The following MED13L variants were observed in gnomAD, a reference collection of about 807,000 sequenced individuals.
MED13L encodes mediator complex subunit 13L.
In MED13L, 7 loss-of-function variants were observed where a neutral mutation model predicts 220.9. That is an observed-to-expected ratio of 0.03 (90% CI 0.02 to 0.06). The LOEUF (loss-of-function observed/expected upper bound fraction) is 0.06, where lower values mean the gene tolerates loss of function less well. MED13L is among the 10% of genes least tolerant of loss of function. MED13L has a pLI of 1.00. For missense variants in MED13L, 1,965 were observed against 2,760.5 expected, an observed-to-expected ratio of 0.71 and a Z score of 6.46; for synonymous variants, 1,011 against 1,015.2, an observed-to-expected ratio of 1.00 and a Z score of 0.08.
At chr12:116,188,581 T>G (rs1367665619) in intron 2 of MED13L, among the ~76,000 whole-genome samples, 1 of 152,150 alleles carries the variant, frequency 6.6e-6, no homozygotes, top group Non-Finnish European at 1.5e-5. Context: ...AAAGATTCAG[T>G]GTACCCTTAA....
intron 2 of MED13L, among the ~76,000 whole-genome samples, chr12:116,176,395 CCATCATCAT>C (rs140238306): frequency 9.2e-5 from 14 of 151,640 alleles, no homozygotes; most frequent in African/African-American, 3.2e-4. Flanking sequence ...ATATAAGCTC[CCATCATCAT>C]CATCATCATC....
chr12:116,230,407 A>AT, intron 2 of MED13L: 2 of 876,940 alleles, frequency 2.3e-6, no homozygotes, highest in Non-Finnish European at 2.7e-6. Context: ...CTCAACAACA[A>AT]TAAAAAAAAG....
At chr12:115,963,562 T>C (rs1875920061) in intron 29 of MED13L, 43 bp from the exon 30 acceptor site, 2 of 1,439,448 alleles carry the variant, frequency 1.4e-6, no homozygotes, top group African/African-American at 1.4e-5. Context: ...GTCTAGACAA[T>C]CACAGTGCAG....
chr12:116,122,158 AT>A (rs1300698731), intron 2 of MED13L, among the ~76,000 whole-genome samples: 25 of 152,202 alleles, frequency 1.6e-4, no homozygotes, highest in African/African-American at 5.8e-4. Context: ...CTAATCAGAT[AT>A]TACAACAAGG....
At chr12:116,147,801 TA>T (rs933781793) in intron 2 of MED13L, among the ~76,000 whole-genome samples, 1 of 151,978 alleles carries the variant, frequency 6.6e-6, no homozygotes, top group African/African-American at 2.4e-5. Context: ...TTCATAATTC[TA>T]AAAAAAGCTA....
At position 116,008,902 on chromosome 12, in the gene MED13L, G is replaced by A. The variant is rs1433559253; in HGVS notation, c.1511C>T (p.Pro504Leu). The stretch of plus-strand genomic sequence containing the variant: ...CCCTGCCAACCCTAGTTTCTGTCCT[G>A]GTGTATCTTGCTCCATGCATAATTC... ...AEELCMEQDT[P>L]GQKLGLAGID... Residue 504 changes from proline to leucine, a missense_variant, in exon 10 of 31, where the codon CCA becomes CTA. Pro to Leu is a moderately conservative substitution (Grantham distance 98). Coordinates refer to ENST00000281928, the MANE Select transcript of MED13L (RefSeq NM_015335.5). 7 of 1,614,104 alleles carry A rather than the reference G, an allele frequency of 4.3e-6. No homozygotes were observed. The highest frequency in any genetic ancestry group is 5.9e-6 in the Non-Finnish European group (7 of 1,180,006).
rs576671962 is a variant in MED13L, at chr12:116,030,280, GT to G, written c.480-7680del. Among the ~76,000 whole-genome samples the G allele has an allele frequency of 8.2e-3, 1,218 of 149,254 alleles. 8 individuals are homozygous for G. The highest frequency in any genetic ancestry group is 0.024 in the African/African-American group (971 of 40,732). ...AGTGCAATTTAGTTAGAAATCAACA[GT>G]TTTTTTTTTAAAGGTTAAAATAAAA... On this transcript the variant is annotated intron_variant, in intron 4 of 30. Coordinates refer to ENST00000281928, the MANE Select transcript of MED13L (RefSeq NM_015335.5).
At chr12:115,972,975 C>T (rs1022662850) in intron 25 of MED13L, among the ~76,000 whole-genome samples, 12 of 152,134 alleles carry the variant, frequency 7.9e-5, no homozygotes, top group Non-Finnish European at 1.3e-4. Context: ...CCCCTGCTTT[C>T]GGATCCCATC....
chr12:116,139,257 A>AT (rs1412556646), intron 2 of MED13L, among the ~76,000 whole-genome samples: 112 of 152,342 alleles, frequency 7.4e-4, no homozygotes, highest in Admixed American at 4.7e-3. Context: ...AGTGTCCTAT[A>AT]TGTCACTGTT....
At chr12:116,077,297 A>G (rs2137715828) in intron 4 of MED13L, among the ~76,000 whole-genome samples, 1 of 152,328 alleles carries the variant, frequency 6.6e-6, no homozygotes, top group South Asian at 2.1e-4. Context: ...GGACTTCGGA[A>G]AGTTATTTTA....
intron 4 of MED13L, among the ~76,000 whole-genome samples, chr12:116,025,295 G>C (rs1274031081): frequency 6.6e-6 from 1 of 152,138 alleles, no homozygotes; most frequent in Non-Finnish European, 1.5e-5. Flanking sequence ...TGTAAATTAA[G>C]ACAGCAATTA....
intron 30 of MED13L, chr12:115,962,672 CTTGA>C (rs1437071843): frequency 6.6e-6 from 1 of 152,456 alleles, no homozygotes; most frequent in Non-Finnish European, 1.5e-5. Context: ...ATGCCTGTGG[CTTGA>C]TTAATACACA....
At chr12:116,160,635 G>A (rs907825425) in intron 2 of MED13L, among the ~76,000 whole-genome samples, 4 of 151,962 alleles carry the variant, frequency 2.6e-5, no homozygotes, top group South Asian at 4.2e-4. Context: ...GAGTGCAGTG[G>A]CATGATCAGA....
chr12:116,131,130 G>C (rs1046377104), intron 2 of MED13L, among the ~76,000 whole-genome samples: 4 of 152,124 alleles, frequency 2.6e-5, no homozygotes, highest in South Asian at 2.1e-4. Flanking sequence ...TGTCCTCTGG[G>C]GGGTAAAAAA....
At chr12:115,971,741 G>C (rs1465053899) in intron 26 of MED13L, among the ~76,000 whole-genome samples, 5 of 152,180 alleles carry the variant, frequency 3.3e-5, no homozygotes, top group Non-Finnish European at 7.3e-5. Context: ...ATTCAAATAT[G>C]CATCATTCTG....
intron 2 of MED13L, among the ~76,000 whole-genome samples, chr12:116,201,845 G>GT (rs1340836784): frequency 6.6e-6 from 1 of 152,068 alleles, no homozygotes; most frequent in Non-Finnish European, 1.5e-5. Context: ...ATATAATACA[G>GT]TAAGAAAATA....
In MED13L at chr12:116,048,170, GA is replaced by G. The variant is rs374687824; in HGVS notation, c.480-25570del. Among the ~76,000 whole-genome samples the G allele has an allele frequency of 6.9e-3, 1,044 of 151,892 alleles. 14 individuals are homozygous for G. The highest frequency in any genetic ancestry group is 0.024 in the African/African-American group (982 of 41,414). On this transcript the variant is annotated intron_variant, in intron 4 of 30. Transcript: ENST00000281928. The stretch of plus-strand genomic sequence containing the variant: ...AACCTGGGAACTAAAATTTGAAAAA[GA>G]ATAAATAAATCCGTGCCTATCACTA...
At chr12:116,158,427 A>C (rs564831610) in intron 2 of MED13L, among the ~76,000 whole-genome samples, 31 of 152,300 alleles carry the variant, frequency 2.0e-4, no homozygotes, top group African/African-American at 7.5e-4. Context: ...TTAAATTCAG[A>C]GCCAATCTCA....
intron 2 of MED13L, among the ~76,000 whole-genome samples, chr12:116,184,726 T>C (rs1880762658): frequency 6.6e-6 from 1 of 152,200 alleles, no homozygotes; most frequent in Non-Finnish European, 1.5e-5. Context: ...ATAAAAGCCA[T>C]TATTTTGATT....
Sources: gnomAD v4.1 joint callset for allele counts (sites outside exome capture counted in the v4.1 genomes callset) on GRCh38, gnomAD v4.1.1 for gene constraint, MANE v1.5 for transcripts, NCBI Gene and HGNC (gene_info 2026-07-23, HGNC 2026-07-21) for gene names.